SLMAP: variants seen among roughly 807,000 people sequenced by gnomAD.
The protein encoded by SLMAP is sarcolemmal membrane-associated protein.
Under a neutral mutation model 128.8 loss-of-function variants are expected in SLMAP, and 44 were observed. That is an observed-to-expected ratio of 0.34 (90% CI 0.27 to 0.44). The LOEUF is 0.44. SLMAP is among the 20% of genes least tolerant of loss of function. The pLI is 1.00. For missense variants in SLMAP, 787 were observed against 985.3 expected, an observed-to-expected ratio of 0.80 and a Z score of 2.69; for synonymous variants, 327 against 348.8, an observed-to-expected ratio of 0.94 and a Z score of 0.70.
intron 17 of SLMAP, 58 bp downstream of exon 17, chr3:57,896,990 T>G: frequency 6.2e-7 from 1 of 1,608,840 alleles, no homozygotes; most frequent in Non-Finnish European, 8.5e-7. Context: ...CCCTTTGCCA[T>G]AAAATCTGTT....
intron 2 of SLMAP, among the ~76,000 whole-genome samples, chr3:57,763,379 A>G (rs1313669441): frequency 1.3e-5 from 2 of 151,596 alleles, no homozygotes; most frequent in African/African-American, 4.9e-5. Context: ...GGTTCAAGCA[A>G]TTCTCTTGTC....
intron 2 of SLMAP, among the ~76,000 whole-genome samples, chr3:57,767,564 A>G (rs1399896030): frequency 6.6e-6 from 1 of 152,340 alleles, no homozygotes; most frequent in African/African-American, 2.4e-5. Flanking sequence ...ATGAAATTAT[A>G]TATATGAACT....
Position 57,906,310 on chromosome 3 carries a change from C to CTTTTTTTTTTTTTTTTTTTTTTTTTTCT in SLMAP, c.1502-1552_1502-1551insTTTTCTTTTTTTTTTTTTTTTTTTTTTT, listed in dbSNP as rs999042505. Among the ~76,000 whole-genome samples, 2 of 47,048 alleles carry CTTTTTTTTTTTTTTTTTTTTTTTTTTCT rather than the reference C, an allele frequency of 4.3e-5. 1 individual carries two copies. The highest frequency in any genetic ancestry group is 5.6e-4 in the Admixed American group (2 of 3,550). The allele number at this position is 47,048 out of a possible 152,430, so 30.9% of individuals were successfully genotyped here. A position where few individuals can be genotyped will look rare whatever the true frequency, so the allele number is the denominator to read the frequency against. ...GAATCAAATTTTTTTCTTTTTTTTT[C>CTTTTTTTTTTTTTTTTTTTTTTTTTTCT]TTTTTTTTTTTTTTTTTTTTTTAGA... On this transcript the variant is annotated intron_variant, in intron 17 of 24. Transcript: ENST00000671191.
intron 24 of SLMAP, among the ~76,000 whole-genome samples, chr3:57,926,716 T>TA (rs1490783021): frequency 6.6e-6 from 1 of 152,222 alleles, no homozygotes; most frequent in African/African-American, 2.4e-5. Flanking sequence ...TGTGGCTTTA[T>TA]TACACTGAAC....
At chr3:57,863,572 A>G (rs2095190097) in intron 10 of SLMAP, among the ~76,000 whole-genome samples, 1 of 152,200 alleles carries the variant, frequency 6.6e-6, no homozygotes, top group African/African-American at 2.4e-5. Context: ...GGCAGAAAGC[A>G]AAGTGGAGCT....
At chr3:57,773,295 G>A (rs983634948) in intron 2 of SLMAP, among the ~76,000 whole-genome samples, 5 of 152,194 alleles carry the variant, frequency 3.3e-5, no homozygotes, top group Non-Finnish European at 7.3e-5. Context: ...AGATAAGTAA[G>A]TCCTCAACAT....
intron 17 of SLMAP, chr3:57,901,440 A>G (rs902081688): frequency 3.9e-5 from 6 of 152,232 alleles, no homozygotes; most frequent in Non-Finnish European, 7.3e-5. Context: ...TTTGAGTTTC[A>G]TGGGACAAGA....
chr3:57,893,866 G>T (rs1338311282), intron 15 of SLMAP, among the ~76,000 whole-genome samples: 1 of 152,178 alleles, frequency 6.6e-6, no homozygotes, highest in Non-Finnish European at 1.5e-5. Context: ...TCCATGGCCA[G>T]TGACTTCACT....
At chr3:57,766,956 TCACCCAGG>T (rs1484727209) in intron 2 of SLMAP, among the ~76,000 whole-genome samples, 4 of 152,182 alleles carry the variant, frequency 2.6e-5, no homozygotes, top group Non-Finnish European at 5.9e-5. Flanking sequence ...TCCCTCTCTG[TCACCCAGG>T]CTAGAGTGTA....
intron 2 of SLMAP, among the ~76,000 whole-genome samples, chr3:57,807,955 A>T (rs1466336279): frequency 6.6e-6 from 1 of 151,978 alleles, no homozygotes; most frequent in African/African-American, 2.4e-5. Flanking sequence ...AGAACTTGTT[A>T]TTGGTCTATT....
intron 2 of SLMAP, among the ~76,000 whole-genome samples, chr3:57,792,997 AGC>A (rs1163644618): frequency 6.6e-5 from 10 of 151,928 alleles, no homozygotes; most frequent in Non-Finnish European, 1.0e-4. Flanking sequence ...AAATCAGCTG[AGC>A]GTTGTGGTGC....
chr3:57,865,683 G>A (rs949580081), intron 13 of SLMAP, among the ~76,000 whole-genome samples: 1 of 152,074 alleles, frequency 6.6e-6, no homozygotes, highest in African/African-American at 2.4e-5. Flanking sequence ...TTGAGCCCTT[G>A]GACATATCAT....
intron 2 of SLMAP, among the ~76,000 whole-genome samples, chr3:57,818,416 A>G (rs1261886565): frequency 6.6e-6 from 1 of 152,174 alleles, no homozygotes; most frequent in Non-Finnish European, 1.5e-5. Context: ...CGGCCTCCCA[A>G]AGTGCTGGGA....
chr3:57,800,522 T>C (rs1369484158), intron 2 of SLMAP: 1 of 152,482 alleles, frequency 6.6e-6, no homozygotes, highest in Admixed American at 6.5e-5. Flanking sequence ...AGAAGCATAA[T>C]AGAGTCAGTC....
At chr3:57,844,292 A>G (rs1216781917) in intron 4 of SLMAP, among the ~76,000 whole-genome samples, 3 of 151,864 alleles carry the variant, frequency 2.0e-5, no homozygotes, top group Admixed American at 6.6e-5. Context: ...TACTCAGGAG[A>G]CTGAGACACG....
At chr3:57,868,785 G>A (rs2095375717) in intron 13 of SLMAP, among the ~76,000 whole-genome samples, 1 of 92,762 alleles carries the variant, frequency 1.1e-5, no homozygotes, top group African/African-American at 4.2e-5. Flanking sequence ...TAGAGGGACA[G>A]AACTAATGGA....
In SLMAP at chr3:57,824,657, T is replaced by C. The variant is rs796350172; in HGVS notation, c.199-6726T>C. ...CAATGTTTTGATTACTGTACCTCTG[T>C]AGTAAGTTTTGAATTCAGGAAATAT... On this transcript the variant is annotated intron_variant, in intron 2 of 24. Transcript: ENST00000671191. Among the ~76,000 whole-genome samples, 24 of 152,342 alleles carry C rather than the reference T, an allele frequency of 1.6e-4. No homozygotes were observed. In the East Asian group the frequency reaches 4.4e-3, roughly 28 times the overall value.
chr3:57,901,655 CA>C (rs1390137309), intron 17 of SLMAP: 2 of 152,152 alleles, frequency 1.3e-5, no homozygotes, highest in Non-Finnish European at 2.9e-5. Flanking sequence ...ACAGGACATA[CA>C]ACCCAGTTTC....
chr3:57,775,763 A>G (rs1489531425), intron 2 of SLMAP, among the ~76,000 whole-genome samples: 1 of 152,012 alleles, frequency 6.6e-6, no homozygotes, highest in Non-Finnish European at 1.5e-5. Flanking sequence ...GCAGTGGTGC[A>G]GTCTTGGCTC....
Sources: allele counts gnomAD v4.1 joint callset (sites outside exome capture counted in the v4.1 genomes callset), GRCh38; gene constraint gnomAD v4.1.1; transcripts MANE v1.5; gene names NCBI Gene and HGNC (gene_info 2026-07-23, HGNC 2026-07-21).